The following CADPS2 variants were observed in gnomAD, a reference collection of about 807,000 sequenced individuals.
The protein encoded by CADPS2 is calcium-dependent secretion activator 2.
CADPS2 carries 93 observed loss-of-function variants against 172.5 expected under a neutral mutation model. The observed-to-expected ratio is 0.54, with a 90% confidence interval of 0.46 to 0.64. CADPS2 has a LOEUF of 0.64. Among genes scored for constraint, CADPS2 ranks in the 30% least tolerant of loss-of-function variants. The pLI, the probability that CADPS2 is intolerant of heterozygous loss-of-function variation, is 0.00. For synonymous variants in CADPS2, 546 were observed against 555.2 expected (o/e 0.98, Z 0.23); for missense variants, 1,420 against 1,565.9 (o/e 0.91, Z 1.57).
At chr7:122,531,514 A>G (rs1267623113) in intron 8 of CADPS2, among the ~76,000 whole-genome samples, 3 of 152,150 alleles carry the variant, frequency 2.0e-5, no homozygotes, top group Admixed American at 6.5e-5. Context: ...CCTACTTATT[A>G]AAAAGAGAAT....
At chr7:122,447,617 G>A (rs948069796) in intron 15 of CADPS2, among the ~76,000 whole-genome samples, 2 of 140,642 alleles carry the variant, frequency 1.4e-5, no homozygotes, top group African/African-American at 5.3e-5. Flanking sequence ...GCAGTCAGGC[G>A]ATCTCGGCTC....
intron 1 of CADPS2, among the ~76,000 whole-genome samples, chr7:122,808,981 T>C (rs1464978339): frequency 2.0e-5 from 3 of 152,170 alleles, no homozygotes; most frequent in Non-Finnish European, 4.4e-5. Flanking sequence ...ATATGTTCCT[T>C]ATATTCTTAA....
intron 20 of CADPS2, among the ~76,000 whole-genome samples, chr7:122,406,607 G>A (rs1355301386): frequency 6.6e-6 from 1 of 152,168 alleles, no homozygotes; most frequent in Non-Finnish European, 1.5e-5. Context: ...AGGGTAAGGT[G>A]ATGAGAATGG....
At chr7:122,858,796 T>C (rs902203322) in intron 1 of CADPS2, among the ~76,000 whole-genome samples, 4 of 152,200 alleles carry the variant, frequency 2.6e-5, no homozygotes, top group African/African-American at 2.4e-5. Context: ...ATGAAAACAT[T>C]GGGGGCATAG....
chr7:122,732,051 C>T (rs963184211), intron 2 of CADPS2, among the ~76,000 whole-genome samples: 4 of 151,498 alleles, frequency 2.6e-5, no homozygotes, highest in African/African-American at 9.7e-5. Context: ...TTTTATGTAA[C>T]ATGTTGAACA....
rs2032068202 is a variant in CADPS2, at chr7:122,320,036, C to A, written c.*129G>T. On this transcript the variant is annotated 3_prime_UTR_variant, in exon 30 of 30. Coordinates refer to ENST00000449022, the MANE Select transcript of CADPS2 (RefSeq NM_017954.11). The stretch of plus-strand genomic sequence containing the variant: ...CCCTTTTACTCTACATTCAGGCTTA[C>A]TTTTTAAAGAAATACAAGCATTTTT... 2 of 977,446 alleles carry A rather than the reference C, an allele frequency of 2.0e-6. No individual in the cohort carries two copies. Among genetic ancestry groups the A allele is most frequent in the Non-Finnish European group, 2.7e-6 (2 of 728,658 alleles). The allele number at this position is 977,446 out of a possible 1,614,324, so 60.5% of individuals were successfully genotyped here. A position where few individuals can be genotyped will look rare whatever the true frequency, so the allele number is the denominator to read the frequency against.
intron 1 of CADPS2, among the ~76,000 whole-genome samples, chr7:122,861,006 A>G (rs1325286587): frequency 1.3e-5 from 2 of 152,230 alleles, no homozygotes; most frequent in Non-Finnish European, 2.9e-5. Flanking sequence ...TCATCCAATG[A>G]TAGACATTTA....
intron 1 of CADPS2, among the ~76,000 whole-genome samples, chr7:122,830,519 A>G (rs932046557): frequency 6.6e-6 from 1 of 152,238 alleles, no homozygotes; most frequent in African/African-American, 2.4e-5. Context: ...AAAATAAACT[A>G]AAAGGAAATT....
intron 7 of CADPS2, among the ~76,000 whole-genome samples, chr7:122,565,711 T>C (rs1386160529): frequency 1.3e-5 from 2 of 152,214 alleles, no homozygotes; most frequent in African/African-American, 4.8e-5. Flanking sequence ...TATTGAGGTA[T>C]ACTTGACAAA....
At chr7:122,648,925 T>C (rs2078848833) in intron 3 of CADPS2, among the ~76,000 whole-genome samples, 1 of 152,118 alleles carries the variant, frequency 6.6e-6, no homozygotes, top group African/African-American at 2.4e-5. Flanking sequence ...GAAGGGCTAA[T>C]ATGTAGTTCC....
chr7:122,615,331 C>T (rs1015438126), intron 5 of CADPS2, 32 bp from the exon 6 acceptor site: 20 of 1,359,346 alleles, frequency 1.5e-5, no homozygotes, highest in Admixed American at 2.0e-5. Flanking sequence ...AATAATGCAT[C>T]AAGTTGATAA....
At chr7:122,676,478 A>T (rs1013906779) in intron 2 of CADPS2, 1 of 392,442 alleles carries the variant, frequency 2.5e-6, no homozygotes, top group Non-Finnish European at 4.5e-6. Flanking sequence ...AGGACATTTT[A>T]TATACCAGGC....
chr7:122,659,374 T>TTGA (rs2080251704), intron 3 of CADPS2, among the ~76,000 whole-genome samples: 1 of 149,562 alleles, frequency 6.7e-6, no homozygotes, highest in African/African-American at 2.5e-5. Context: ...CATTAGTGGA[T>TTGA]TTGACATTGC....
intron 24 of CADPS2, among the ~76,000 whole-genome samples, chr7:122,386,476 A>G (rs900278838): frequency 1.3e-5 from 2 of 152,050 alleles, no homozygotes; most frequent in African/African-American, 4.8e-5. Flanking sequence ...ACCACTCTCA[A>G]CAAAAAATCA....
At chr7:122,403,213 T>C (rs911374140) in intron 20 of CADPS2, among the ~76,000 whole-genome samples, 12 of 152,234 alleles carry the variant, frequency 7.9e-5, no homozygotes, top group African/African-American at 2.9e-4. Context: ...CTCAGTGGTA[T>C]TGATTTTGGA....
Position 122,570,282 on chromosome 7 carries a change from A to G in CADPS2, c.1335+10897T>C, listed in dbSNP as rs531766499. Among the ~76,000 whole-genome samples, 12 of 152,360 alleles carry G rather than the reference A, an allele frequency of 7.9e-5. No individual in the cohort carries two copies. In the East Asian group the frequency reaches 2.1e-3, roughly 27 times the overall value. The stretch of plus-strand genomic sequence containing the variant: ...ATGCAGCCAAAAGACACATGAAAAA[A>G]TGCTCATCGTCACTGACCATCAGAG... On this transcript the variant is annotated intron_variant, in intron 7 of 29. Coordinates refer to ENST00000449022, the MANE Select transcript of CADPS2 (RefSeq NM_017954.11).
intron 7 of CADPS2, among the ~76,000 whole-genome samples, chr7:122,574,496 T>C (rs1307227248): frequency 1.3e-4 from 16 of 121,354 alleles, no homozygotes; most frequent in East Asian, 2.6e-4. Flanking sequence ...GAAGTGTTGA[T>C]ACATATGTAG....
At chr7:122,672,144 A>G (rs2081932898) in intron 2 of CADPS2, among the ~76,000 whole-genome samples, 1 of 152,236 alleles carries the variant, frequency 6.6e-6, no homozygotes, top group Non-Finnish European at 1.5e-5. Flanking sequence ...AGAGTTTAAG[A>G]CAATCTTTCA....
intron 1 of CADPS2, among the ~76,000 whole-genome samples, chr7:122,819,797 T>TC (rs1359124862): frequency 6.6e-6 from 1 of 151,854 alleles, no homozygotes. Flanking sequence ...TCCTCTTGTA[T>TC]CCCCCCACCT....
Sources: gnomAD v4.1 joint callset for allele counts (sites outside exome capture counted in the v4.1 genomes callset) on GRCh38, gnomAD v4.1.1 for gene constraint, MANE v1.5 for transcripts, NCBI Gene and HGNC (gene_info 2026-07-23, HGNC 2026-07-21) for gene names.